ADAMTSL1: variants seen among roughly 807,000 people sequenced by gnomAD.
ADAMTSL1 encodes the protein ADAMTS-like protein 1.
In ADAMTSL1, 126 loss-of-function variants were observed where a neutral mutation model predicts 201.8. The observed-to-expected ratio is 0.62, with a 90% CI of 0.54 to 0.72. ADAMTSL1 has a LOEUF of 0.72. Ranked by LOEUF, ADAMTSL1 falls within the 30% of genes least tolerant of loss-of-function variation. The pLI is 0.00. For missense variants in ADAMTSL1, 2,679 were observed against 2,277.8 expected (o/e 1.18, Z -3.59); for synonymous variants, 1,121 against 903.4 (o/e 1.24, Z -4.32).
rs774346897 is a variant in ADAMTSL1, at chr9:18,574,390, A to G, written c.474+124A>G. The G allele has an allele frequency of 1.2e-5, 11 of 912,382 alleles. 1 individual carries two copies. The South Asian group carries it at 1.6e-4, about 14-fold the overall frequency. 56.5% of individuals were successfully genotyped at this position (912,382 alleles called of 1,614,324 possible). A position where few individuals can be genotyped will look rare whatever the true frequency, so the allele number is the denominator to read the frequency against. ...CACTTTTTAGAGTTTGTAAATGGTG[A>G]AAGATTTGAAAATTAAGGTATGATT... On this transcript the variant is annotated intron_variant, in intron 4 of 28. Coordinates refer to ENST00000380548, the MANE Select transcript of ADAMTSL1 (RefSeq NM_001040272.6).
intron 2 of ADAMTSL1, among the ~76,000 whole-genome samples, chr9:18,462,115 A>C (rs553554020): frequency 1.3e-5 from 2 of 152,344 alleles, no homozygotes; most frequent in Admixed American, 1.3e-4. Flanking sequence ...GTTTACAAAT[A>C]CAGATGTATA....
At chr9:18,289,298 A>T (rs1465299777) in intron 2 of ADAMTSL1, among the ~76,000 whole-genome samples, 5 of 152,156 alleles carry the variant, frequency 3.3e-5, no homozygotes, top group African/African-American at 1.2e-4. Flanking sequence ...ACCCAGGAGA[A>T]CTGATGGTAT....
chr9:18,626,336 A>G (rs1448743341), intron 5 of ADAMTSL1, among the ~76,000 whole-genome samples: 1 of 152,232 alleles, frequency 6.6e-6, no homozygotes, highest in Non-Finnish European at 1.5e-5. Flanking sequence ...TTTTCAGTAA[A>G]TTAATAAAGA....
intron 20 of ADAMTSL1, 144 bp from the exon 21 acceptor site, chr9:18,816,965 T>C: frequency 9.6e-7 from 1 of 1,039,446 alleles, no homozygotes; most frequent in Non-Finnish European, 1.4e-6. Context: ...ACTGTGCGCT[T>C]GCAATTTTTC....
At chr9:18,159,601 G>T (rs777184341) in intron 1 of ADAMTSL1, among the ~76,000 whole-genome samples, 2 of 151,982 alleles carry the variant, frequency 1.3e-5, no homozygotes, top group Non-Finnish European at 2.9e-5. Context: ...AGACAAACCG[G>T]TTGCTCTGTA....
intron 2 of ADAMTSL1, among the ~76,000 whole-genome samples, chr9:18,178,430 G>C (rs1427458621): frequency 6.6e-6 from 1 of 152,208 alleles, no homozygotes; most frequent in Non-Finnish European, 1.5e-5. Flanking sequence ...CAAACTGCAA[G>C]GCAGCAGCGA....
At chr9:18,496,861 G>A (rs1031542721) in intron 1 of ADAMTSL1, among the ~76,000 whole-genome samples, 1 of 152,202 alleles carries the variant, frequency 6.6e-6, no homozygotes, top group African/African-American at 2.4e-5. Context: ...TGGAGTCACA[G>A]TTTGGACGGA....
intron 2 of ADAMTSL1, among the ~76,000 whole-genome samples, chr9:18,304,956 G>T (rs968749211): frequency 8.5e-6 from 1 of 117,574 alleles, no homozygotes. Flanking sequence ...GCAGCTCCCA[G>T]CGTGATCTAC....
intron 2 of ADAMTSL1, among the ~76,000 whole-genome samples, chr9:18,226,610 A>G (rs1170111461): frequency 1.3e-5 from 2 of 152,006 alleles, no homozygotes; most frequent in Non-Finnish European, 1.5e-5. Flanking sequence ...TCACTTGCCT[A>G]CGCATAAGTC....
chr9:18,334,107 A>C (rs530110711), intron 2 of ADAMTSL1, among the ~76,000 whole-genome samples: 1 of 152,166 alleles, frequency 6.6e-6, no homozygotes, highest in Non-Finnish European at 1.5e-5. Context: ...CTTTCAAATC[A>C]TAGTAAAAAG....
chr9:18,038,543 C>T (rs1821301615), intron 1 of ADAMTSL1, among the ~76,000 whole-genome samples: 1 of 152,106 alleles, frequency 6.6e-6, no homozygotes, highest in Non-Finnish European at 1.5e-5. Flanking sequence ...TTATCTCAAC[C>T]TGTATCTTTT....
chr9:18,156,704 T>A (rs188569106), intron 1 of ADAMTSL1, among the ~76,000 whole-genome samples: 2 of 151,794 alleles, frequency 1.3e-5, no homozygotes, highest in Non-Finnish European at 2.9e-5. Flanking sequence ...CATTAGAAGA[T>A]GTGATAAAAA....
chr9:18,131,238 T>A (rs1292371529), intron 1 of ADAMTSL1, among the ~76,000 whole-genome samples: 1 of 152,206 alleles, frequency 6.6e-6, no homozygotes, highest in Non-Finnish European at 1.5e-5. Context: ...TTATTTTAAC[T>A]TTTTGTGCCA....
Position 18,775,791 on chromosome 9 carries a change from C to G in ADAMTSL1, c.2446C>G (p.Arg816Gly), listed in dbSNP as rs1176981623. Reference protein sequence around the residue: ...EGTQTRSAICRKMLKTGLSTV... With the variant: ...EGTQTRSAICGKMLKTGLSTV... The stretch of plus-strand genomic sequence containing the variant: ...CACCCAGACTCGAAGCGCCATTTGC[C>G]GAAAGATGCTGAAAACCGGCCTCTC... The change falls in exon 18 of 29, where the codon CGA becomes GGA. Residue 816 changes from arginine to glycine, a missense_variant. Transcript: ENST00000380548. The G allele has an allele frequency of 3.1e-6, 5 of 1,612,422 alleles. No homozygotes were observed. Among genetic ancestry groups the G allele is most frequent in the East Asian group, 2.2e-5 (1 of 44,864 alleles).
chr9:18,282,233 AG>A (rs1832818684), intron 2 of ADAMTSL1, among the ~76,000 whole-genome samples: 1 of 152,170 alleles, frequency 6.6e-6, no homozygotes, highest in African/African-American at 2.4e-5. Flanking sequence ...GTTGCTGCAA[AG>A]GACAAGATTT....
intron 2 of ADAMTSL1, among the ~76,000 whole-genome samples, chr9:18,380,218 C>G (rs937130255): frequency 5.3e-5 from 8 of 151,988 alleles, no homozygotes; most frequent in African/African-American, 1.9e-4. Flanking sequence ...CACTGTAAGA[C>G]TCTAGAAATT....
intron 1 of ADAMTSL1, among the ~76,000 whole-genome samples, chr9:18,482,224 T>G (rs1268941146): frequency 2.6e-5 from 4 of 152,220 alleles, no homozygotes; most frequent in African/African-American, 9.6e-5. Context: ...ACAGGAGATT[T>G]ATTCCACTTC....
chr9:18,482,656 A>T (rs1450058005), intron 1 of ADAMTSL1, among the ~76,000 whole-genome samples: 1 of 152,216 alleles, frequency 6.6e-6, no homozygotes, highest in Admixed American at 6.5e-5. Flanking sequence ...CTTTGTTCCC[A>T]TAGTAAGGTA....
At chr9:18,370,494 T>C (rs1836996943) in intron 2 of ADAMTSL1, among the ~76,000 whole-genome samples, 1 of 152,144 alleles carries the variant, frequency 6.6e-6, no homozygotes, top group Non-Finnish European at 1.5e-5. Flanking sequence ...ACAACCTACG[T>C]AAAGCACTTA....
Sources: gnomAD v4.1 joint callset for allele counts (sites outside exome capture counted in the v4.1 genomes callset) on GRCh38, gnomAD v4.1.1 for gene constraint, MANE v1.5 for transcripts, NCBI Gene and HGNC (gene_info 2026-07-23, HGNC 2026-07-21) for gene names.